The following DCC variants were observed in gnomAD, a reference collection of about 807,000 sequenced individuals.
The protein encoded by DCC is netrin receptor DCC.
Under a neutral mutation model 172.5 loss-of-function variants are expected in DCC, and 58 were observed. That is an observed-to-expected ratio of 0.34 (90% CI 0.27 to 0.42). The LOEUF (loss-of-function observed/expected upper bound fraction) is 0.42, where lower values mean the gene tolerates loss of function less well. Among genes scored for constraint, DCC ranks in the 10% least tolerant of loss-of-function variants. The pLI is 1.00. For synonymous variants in DCC, 709 were observed against 644.5 expected, an observed-to-expected ratio of 1.10 and a Z score of -1.52; for missense variants, 1,740 against 1,791.0, an observed-to-expected ratio of 0.97 and a Z score of 0.51.
At chr18:52,508,596 C>CT (rs2031320427) in intron 1 of DCC, among the ~76,000 whole-genome samples, 1 of 152,096 alleles carries the variant, frequency 6.6e-6, no homozygotes, top group African/African-American at 2.4e-5. Flanking sequence ...ACAGCATTGA[C>CT]TTTAAAAGAT....
At chr18:53,257,282 T>A (rs972065583) in intron 12 of DCC, among the ~76,000 whole-genome samples, 6 of 152,212 alleles carry the variant, frequency 3.9e-5, no homozygotes, top group African/African-American at 1.4e-4. Context: ...GGCATCCGTG[T>A]CTTGTGCCAG....
chr18:52,704,300 T>G (rs2036171631), intron 1 of DCC, among the ~76,000 whole-genome samples: 1 of 152,102 alleles, frequency 6.6e-6, no homozygotes, highest in Non-Finnish European at 1.5e-5. Context: ...ACAACATGGA[T>G]AGTCCATTTG....
chr18:52,620,919 G>C (rs2034467114), intron 1 of DCC, among the ~76,000 whole-genome samples: 1 of 152,176 alleles, frequency 6.6e-6, no homozygotes, highest in Non-Finnish European at 1.5e-5. Flanking sequence ...TAAATTTCAA[G>C]GTAACATTTT....
At chr18:53,245,097 A>G (rs1382888542) in intron 12 of DCC, among the ~76,000 whole-genome samples, 2 of 152,118 alleles carry the variant, frequency 1.3e-5, no homozygotes, top group African/African-American at 4.8e-5. Flanking sequence ...CAGAAATACC[A>G]TCTTACTATA....
At chr18:52,352,361 T>C (rs564858321) in intron 1 of DCC, among the ~76,000 whole-genome samples, 81 of 152,272 alleles carry the variant, frequency 5.3e-4, no homozygotes, top group Middle Eastern at 6.8e-3. Flanking sequence ...GTAGTCAGAC[T>C]CCAATGGCAA....
At chr18:52,549,941 C>CT (rs1287622562) in intron 1 of DCC, among the ~76,000 whole-genome samples, 2 of 151,782 alleles carry the variant, frequency 1.3e-5, no homozygotes, top group African/African-American at 4.8e-5. Context: ...TGACTCTGCA[C>CT]TTCCTCAGTG....
rs567546400 is a variant in DCC, at chr18:52,696,451, G to A, written c.92-55603G>A. Among the ~76,000 whole-genome samples the A allele has an allele frequency of 1.1e-4, 17 of 152,296 alleles. No homozygotes were observed. The South Asian group carries it at 3.3e-3, about 30-fold the overall frequency. On this transcript the variant is annotated intron_variant, in intron 1 of 28. Transcript: ENST00000442544. ...TAGAGAAAGGAGAAACAGAAAGACCGATCAGTCTTGTGCCATCTTCATAAA... is the reference window on the plus strand; with the variant it reads ...TAGAGAAAGGAGAAACAGAAAGACCAATCAGTCTTGTGCCATCTTCATAAA...
chr18:53,240,431 G>C (rs1391052932), intron 12 of DCC, among the ~76,000 whole-genome samples: 7 of 152,032 alleles, frequency 4.6e-5, no homozygotes, highest in Admixed American at 4.6e-4. Context: ...GAAAAGCAGA[G>C]GAATAAAAGC....
At chr18:53,386,202 C>CTAAAA (rs1187830572) in intron 16 of DCC, 64 bp downstream of exon 16, 1 of 1,092,788 alleles carries the variant, frequency 9.2e-7, no homozygotes, top group African/African-American at 1.6e-5. Context: ...AAAAGAAAAA[C>CTAAAA]TAAAATAAAA....
At chr18:53,397,230 A>G (rs1393192812) in intron 17 of DCC, 78 bp from the exon 18 acceptor site, 1 of 1,358,632 alleles carries the variant, frequency 7.4e-7, no homozygotes, top group East Asian at 2.3e-5. Flanking sequence ...AGCTTATTTA[A>G]TAGTCTTTTT....
chr18:53,439,509 G>T (rs1438466422), intron 22 of DCC, among the ~76,000 whole-genome samples: 1 of 152,118 alleles, frequency 6.6e-6, no homozygotes, highest in African/African-American at 2.4e-5. Context: ...CATTGTAATA[G>T]AATAATGGCT....
chr18:53,344,904 A>C (rs1237863119), intron 15 of DCC, among the ~76,000 whole-genome samples: 1 of 150,730 alleles, frequency 6.6e-6, no homozygotes, highest in African/African-American at 2.4e-5. Flanking sequence ...AAAAAAAGGA[A>C]AGAAAAGAAA....
intron 1 of DCC, among the ~76,000 whole-genome samples, chr18:52,531,256 T>C (rs2032141544): frequency 6.6e-6 from 1 of 152,136 alleles, no homozygotes; most frequent in South Asian, 2.1e-4. Context: ...GTGTGACATG[T>C]ATAGAAAATA....
intron 25 of DCC, among the ~76,000 whole-genome samples, chr18:53,484,341 C>T (rs184417284): frequency 4.7e-4 from 71 of 151,558 alleles, no homozygotes; most frequent in African/African-American, 1.6e-3. Flanking sequence ...TTGCTTTCAC[C>T]GAGAGGCACT....
intron 12 of DCC, among the ~76,000 whole-genome samples, chr18:53,282,121 C>G (rs1361708221): frequency 6.6e-6 from 1 of 152,120 alleles, no homozygotes; most frequent in Non-Finnish European, 1.5e-5. Context: ...ATGTAATTCA[C>G]ATGAGGATCC....
chr18:53,045,899 A>G (rs2042231508), intron 5 of DCC, among the ~76,000 whole-genome samples: 1 of 151,948 alleles, frequency 6.6e-6, no homozygotes, highest in Non-Finnish European at 1.5e-5. Context: ...ATGGTCAAAG[A>G]CTGTTTTCAT....
chr18:53,034,773 G>T (rs2042070254), intron 5 of DCC, among the ~76,000 whole-genome samples: 1 of 151,660 alleles, frequency 6.6e-6, no homozygotes, highest in African/African-American at 2.4e-5. Context: ...AGGCCTGAAA[G>T]ATCTGGCATT....
chr18:52,503,047 G>A (rs1042479985), intron 1 of DCC, among the ~76,000 whole-genome samples: 2 of 152,086 alleles, frequency 1.3e-5, no homozygotes, highest in African/African-American at 4.8e-5. Context: ...TTATATATCA[G>A]GAGTCTGAAG....
chr18:52,928,168 A>G (rs116102023), intron 5 of DCC, among the ~76,000 whole-genome samples: 437 of 152,252 alleles, frequency 2.9e-3, no homozygotes, highest in African/African-American at 9.7e-3. Flanking sequence ...CAGATCAAAT[A>G]TGGCATTTTC....
Sources: gnomAD v4.1 joint callset for allele counts (sites outside exome capture counted in the v4.1 genomes callset) on GRCh38, gnomAD v4.1.1 for gene constraint, MANE v1.5 for transcripts, NCBI Gene and HGNC (gene_info 2026-07-23, HGNC 2026-07-21) for gene names.